Variants in APC2 observed in about 807,000 individuals in gnomAD.
APC2 encodes adenomatous polyposis coli protein 2.
A neutral mutation model predicts 72.5 loss-of-function variants in APC2; 41 were observed. That is an observed-to-expected ratio of 0.57 (90% CI 0.44 to 0.73). The LOEUF is 0.73. APC2 is among the 30% of genes least tolerant of loss of function. APC2 has a pLI of 0.00. For missense variants in APC2, 3,729 were observed against 3,403.4 expected (o/e 1.10, Z -2.38); for synonymous variants, 1,898 against 1,612.0 (o/e 1.18, Z -4.25).
intron 14 of APC2, 136 bp downstream of exon 14, chr19:1,462,313 C>T (rs1477719317): frequency 2.5e-6 from 2 of 785,142 alleles, no homozygotes; most frequent in Non-Finnish European, 4.0e-6. Context: ...ATAAATACGT[C>T]CCAAATACTG....
chr19:1,469,465 C>T lies in APC2; in HGVS notation c.6164C>T (p.Ala2055Val), dbSNP rs1174757989. The T allele has an allele frequency of 7.1e-6, 8 of 1,129,028 alleles. No individual in the cohort carries two copies. Among genetic ancestry groups the T allele is most frequent in the South Asian group, 3.5e-5 (1 of 28,340 alleles). 69.9% of individuals were successfully genotyped at this position (1,129,028 alleles called of 1,614,324 possible). ...CGAGCGGCACCCCGGCAGGGCCCGG[C>T]CCCGGCCCGGCAGCGGCCCCCCGCG... ...ELRAAPRQGP[A>V]PARQRPPAAR... Residue 2055 changes from alanine (A) to valine (V), a missense_variant, in exon 15 of 15, where the codon GCC becomes GTC. By Grantham distance (64) the Ala-to-Val change is moderately conservative. Transcript: ENST00000590469.
rs926763485 is a variant in APC2 at position 1,452,915 on chromosome 19, G to A, written c.-18-69G>A. Reference sequence around the variant, plus strand: ...ACGGCTGGGGCTTAGGTCAGGGGCCGTCTGTCCGGAAGGCATCACCGCGCC... The same window carrying A: ...ACGGCTGGGGCTTAGGTCAGGGGCCATCTGTCCGGAAGGCATCACCGCGCC... On this transcript the variant is annotated intron_variant, in intron 1 of 14. Coordinates refer to ENST00000590469, the MANE Select transcript of APC2 (RefSeq NM_005883.3). The surrounding 1 kb of genome is among the most constrained non-coding windows in gnomAD (Gnocchi z 5.1). 43 of 1,531,418 alleles carry A rather than the reference G, an allele frequency of 2.8e-5. No homozygotes were observed. In the East Asian group the frequency reaches 4.4e-4, roughly 16 times the overall value. The allele number at this position is 1,531,418 out of a possible 1,614,324, so 94.9% of individuals were successfully genotyped here. A position where few individuals can be genotyped will look rare whatever the true frequency, so the allele number is the denominator to read the frequency against.
chr19:1,455,978 G>A (rs796280487), intron 6 of APC2, 98 bp from the exon 7 acceptor site: 18 of 718,454 alleles, frequency 2.5e-5, no homozygotes, highest in East Asian at 7.2e-5. Flanking sequence ...AGGAAGAGGC[G>A]GGGTCAGAGC....
In APC2 at chr19:1,467,978, G is replaced by A. The variant is rs369651604; in HGVS notation, c.4677G>A (p.Pro1559=). Residue 1559 remains proline (P), a synonymous_variant, in exon 15 of 15, where the codon CCG becomes CCA. Coordinates refer to ENST00000590469, the MANE Select transcript of APC2 (RefSeq NM_005883.3). ...PAPSKAAPAA[P]PPARTQPSLI... is the part of the protein sequence containing the mutation. ...CGTCCAAGGCTGCACCAGCTGCCCC[G>A]CCGCCCGCCCGGACCCAGCCCAGCC... is the stretch of plus-strand genomic sequence containing the variant. 268 of 1,577,848 alleles carry A rather than the reference G, an allele frequency of 1.7e-4. 1 individual carries two copies. In the Middle Eastern group the frequency reaches 2.2e-3, roughly 13 times the overall value.
At position 1,466,483 on chromosome 19, in the gene APC2, A is replaced by T; in HGVS notation, c.3182A>T (p.Gln1061Leu). 6.3e-7 allele frequency: 1 copy of T among 1,597,780 alleles called. No homozygotes were observed. Among genetic ancestry groups the T allele is most frequent in the Non-Finnish European group, 8.5e-7 (1 of 1,179,434 alleles). Residue 1061 changes from glutamine to leucine, a missense_variant, in exon 15 of 15, where the codon CAA becomes CTA. Coordinates refer to ENST00000590469, the MANE Select transcript of APC2 (RefSeq NM_005883.3). ...ASKALQKLAA[Q>L]EGPLSLSRCS... ...AAGGCACTGCAGAAACTGGCGGCGC[A>T]AGAGGGGCCACTCTCGCTGTCCCGA...
Position 1,469,613 on chromosome 19 carries a change from C to A in APC2, c.6312C>A (p.His2104Gln). The change falls in exon 15 of 15, where the codon CAC (histidine) becomes CAA (glutamine). Residue 2104 changes from histidine to glutamine, a missense_variant. By Grantham distance (24) the His-to-Gln change is conservative. Transcript: ENST00000590469. Reference protein sequence around the residue: ...ETVKRYASLPHISVARRPDGA... With the variant: ...ETVKRYASLPQISVARRPDGA... Reference sequence around the variant, plus strand: ...TCAAGCGCTACGCGTCGCTGCCGCACATCAGCGTGGCCCGCAGGCCCGACG... The same window carrying A: ...TCAAGCGCTACGCGTCGCTGCCGCAAATCAGCGTGGCCCGCAGGCCCGACG... The A allele has an allele frequency of 8.0e-7, 1 of 1,256,258 alleles. No individual in the cohort carries two copies. The highest frequency in any genetic ancestry group is 2.0e-5 in the South Asian group (1 of 49,394). The allele number at this position is 1,256,258 out of a possible 1,614,324, so 77.8% of individuals were successfully genotyped here. A position where few individuals can be genotyped will look rare whatever the true frequency, so the allele number is the denominator to read the frequency against.
At chr19:1,456,014 GGC>G in intron 6 of APC2, 60 bp from the exon 7 acceptor site, 2 of 1,489,770 alleles carry the variant, frequency 1.3e-6, no homozygotes, top group South Asian at 2.5e-5. Context: ...CCCAGGGAGA[GGC>G]GGGGTCAGAG....
At position 1,466,188 on chromosome 19, in the gene APC2, C is replaced by T. The variant is rs752621492; in HGVS notation, c.2887C>T (p.Arg963Trp). 8 of 1,557,502 alleles carry T rather than the reference C, an allele frequency of 5.1e-6. No homozygotes were observed. The highest frequency in any genetic ancestry group is 3.8e-5 in the Admixed American group (2 of 52,880). The change falls in exon 15 of 15, where the codon CGG (arginine) becomes TGG (tryptophan). Residue 963 changes from arginine (R) to tryptophan (W), a missense_variant. Physicochemically the swap from Arg to Trp is moderately radical, Grantham distance 101. Coordinates refer to ENST00000590469, the MANE Select transcript of APC2 (RefSeq NM_005883.3). ...CGAGGACCCCAGGTGTGGGCAGCCT[C>T]GGCCCAGCCGGCTTGACCTTGACCT... is the stretch of plus-strand genomic sequence containing the variant. ...RREDPRCGQP[R>W]PSRLDLDLPG...
In APC2 at chr19:1,465,925, G is replaced by T; in HGVS notation, c.2624G>T (p.Ser875Ile). ...HTSSDDSFSLSSGDPGQEAPR... is the reference protein window; with the variant it reads ...HTSSDDSFSLISGDPGQEAPR... ...TCGTCCGACGATAGCTTCAGCCTCAGCTCTGGAGACCCGGGACAGGAGGCG... is the reference window on the plus strand; with the variant it reads ...TCGTCCGACGATAGCTTCAGCCTCATCTCTGGAGACCCGGGACAGGAGGCG... The change falls in exon 15 of 15, where the codon AGC (serine) becomes ATC (isoleucine). Residue 875 changes from serine (S) to isoleucine (I), a missense_variant. Ser to Ile is a moderately radical substitution (Grantham distance 142, BLOSUM62 -2). Coordinates refer to ENST00000590469, the MANE Select transcript of APC2 (RefSeq NM_005883.3). 6.3e-7 allele frequency: 1 copy of T among 1,586,840 alleles called. No homozygotes were observed.
upstream of APC2, among the ~76,000 whole-genome samples, chr19:1,448,761 G>A (rs1599125240): frequency 6.8e-6 from 1 of 147,990 alleles, no homozygotes; most frequent in South Asian, 2.2e-4. Flanking sequence ...GGAGAATGGC[G>A]TGAACCTGGG....
In APC2 at chr19:1,458,097, G is replaced by GC. The variant is rs756509712; in HGVS notation, c.1303+42dup. 24 of 1,533,674 alleles carry GC rather than the reference G, an allele frequency of 1.6e-5. No individual in the cohort carries two copies. The East Asian group carries it at 5.4e-4, about 34-fold the overall frequency. On this transcript the variant is annotated intron_variant, in intron 10 of 14. Coordinates refer to ENST00000590469, the MANE Select transcript of APC2 (RefSeq NM_005883.3). ...AGGTCCTCTGGGAAGCCATCCTCCA[G>GC]CCCCCGAACAGGTGGTGGCTCCTCG... is the stretch of plus-strand genomic sequence containing the variant.
At position 1,457,679 on chromosome 19, in the gene APC2, C is replaced by T. The variant is rs553399172; in HGVS notation, c.1208-286C>T. On this transcript the variant is annotated intron_variant, in intron 9 of 14. Transcript: ENST00000590469. ...TGCTACTGCACTCCAGTCTGGACAA[C>T]AGAGCGAGACCCTGTCTCGTCAGTT... 5.0e-5 allele frequency: 27 copies of T among 536,138 alleles called. 1 individual carries two copies. Among genetic ancestry groups the T allele is most frequent in the Admixed American group, 3.8e-4 (12 of 31,726 alleles). 33.2% of individuals were successfully genotyped at this position (536,138 alleles called of 1,614,324 possible).
Position 1,465,875 on chromosome 19 carries a change from G to A in APC2, c.2574G>A (p.Val858=), listed in dbSNP as rs767023508. ...ALAVARIDQL[V]EDISALHTSS... is the part of the protein sequence containing the mutation. ...CAGTGGCGCGCATCGACCAGCTGGTGGAGGACATCTCCGCCCTGCACACCT... is the reference window on the plus strand; with the variant it reads ...CAGTGGCGCGCATCGACCAGCTGGTAGAGGACATCTCCGCCCTGCACACCT... Residue 858 remains valine (V), a synonymous_variant, in exon 15 of 15, where the codon GTG becomes GTA. Coordinates refer to ENST00000590469, the MANE Select transcript of APC2 (RefSeq NM_005883.3). 1 of 1,568,466 alleles carries A rather than the reference G, an allele frequency of 6.4e-7. No homozygotes were observed. Among genetic ancestry groups the A allele is most frequent in the South Asian group, 1.2e-5 (1 of 86,610 alleles).
chr19:1,459,418 A>T (rs1258963603), intron 10 of APC2, among the ~76,000 whole-genome samples: 1 of 152,208 alleles, frequency 6.6e-6, no homozygotes, highest in Non-Finnish European at 1.5e-5. Context: ...CATCGTGTGC[A>T]CAGGGCACGC....
intron 14 of APC2, among the ~76,000 whole-genome samples, chr19:1,463,616 G>C: frequency 6.6e-6 from 1 of 151,090 alleles, no homozygotes; most frequent in Non-Finnish European, 1.5e-5. Flanking sequence ...AGCTTGGCTT[G>C]GCGTCCACAT....
rs374545318 is a variant in APC2, at chr19:1,453,564, G to C, written c.366G>C (p.Glu122Asp). ...GSGPSKDSFGELSRATIRLLE... is the reference protein window; with the variant it reads ...GSGPSKDSFGDLSRATIRLLE... ...GGCCCTCCAAGGACAGCTTTGGGGAGCTGAGCCGGGCCACCATCCGGCTGC... is the reference window on the plus strand; with the variant it reads ...GGCCCTCCAAGGACAGCTTTGGGGACCTGAGCCGGGCCACCATCCGGCTGC... The change falls in exon 4 of 15, where the codon GAG (glutamate) becomes GAC (aspartate). Residue 122 changes from glutamate (E) to aspartate (D), a missense_variant. By Grantham distance (45) the Glu-to-Asp change is conservative. Coordinates refer to ENST00000590469, the MANE Select transcript of APC2 (RefSeq NM_005883.3). 5 of 1,610,496 alleles carry C rather than the reference G, an allele frequency of 3.1e-6. No individual in the cohort carries two copies. The African/African-American group carries it at 6.7e-5, about 21-fold the overall frequency.
chr19:1,459,725 C>T (rs969748140), intron 10 of APC2, among the ~76,000 whole-genome samples: 5 of 152,150 alleles, frequency 3.3e-5, no homozygotes, highest in Non-Finnish European at 5.9e-5. Context: ...AATGGGGAAG[C>T]GGGGCGAGTG....
At chr19:1,457,702 G>A (rs1021047277) in intron 9 of APC2, 88 of 558,926 alleles carry the variant, frequency 1.6e-4, no homozygotes, top group African/African-American at 1.5e-3. Context: ...TGTCTCGTCA[G>A]TTTTATTTTT....
intron 4 of APC2, 129 bp downstream of exon 4, chr19:1,453,740 T>A: frequency 7.9e-7 from 1 of 1,264,748 alleles, no homozygotes; most frequent in Non-Finnish European, 1.1e-6. Context: ...CACTTGCATA[T>A]GGCACTGCCC....
Sources: allele counts gnomAD v4.1 joint callset (sites outside exome capture counted in the v4.1 genomes callset), GRCh38; gene constraint gnomAD v4.1.1; non-coding constraint Gnocchi (gnomAD v3.1); transcripts MANE v1.5; gene names NCBI Gene and HGNC (gene_info 2026-07-23, HGNC 2026-07-21).